Variants in DNAH12 observed in about 807,000 individuals in gnomAD.
DNAH12 encodes axonemal beta dynein heavy chain 12.
In DNAH12, 285 loss-of-function variants were observed where a neutral mutation model predicts 371.5. That is an observed-to-expected ratio of 0.77 (90% CI 0.70 to 0.85). The LOEUF (loss-of-function observed/expected upper bound fraction) is 0.85, where lower values mean the gene tolerates loss of function less well. Among genes scored for constraint, DNAH12 ranks in the 40% least tolerant of loss-of-function variants. DNAH12 has a pLI of 0.00. For missense variants in DNAH12, 3,611 were observed against 3,689.4 expected, an observed-to-expected ratio of 0.98 and a Z score of 0.55; for synonymous variants, 1,200 against 1,213.0, an observed-to-expected ratio of 0.99 and a Z score of 0.22.
intron 17 of DNAH12, 71 bp from the exon 18 acceptor site, chr3:57,462,946 G>A (rs2066099795): frequency 2.9e-6 from 3 of 1,035,230 alleles, no homozygotes; most frequent in African/African-American, 3.2e-5. Context: ...CATAGATGAA[G>A]CCTTGATGAT....
intron 62 of DNAH12, among the ~76,000 whole-genome samples, chr3:57,331,873 T>C (rs2062106252): frequency 6.6e-6 from 1 of 152,072 alleles, no homozygotes; most frequent in African/African-American, 2.4e-5. Flanking sequence ...CTGATCGCCC[T>C]CCATATCTGA....
intron 2 of DNAH12, among the ~76,000 whole-genome samples, chr3:57,526,419 A>AT (rs991872205): frequency 4.8e-5 from 7 of 146,244 alleles, no homozygotes; most frequent in Admixed American, 2.7e-4. Flanking sequence ...GTTTTGTTTT[A>AT]TTTTTTTTAG....
chr3:57,525,728 G>C (rs1358142430), intron 2 of DNAH12, among the ~76,000 whole-genome samples: 1 of 132,348 alleles, frequency 7.6e-6, no homozygotes, highest in Non-Finnish European at 1.6e-5. Flanking sequence ...TAGTTACCCT[G>C]TCATGCTAGC....
rs368757579 is a variant in DNAH12, at chr3:57,421,902, C to CT, written c.5374-197dup. 9.3e-3 allele frequency among the ~76,000 whole-genome samples: 913 copies of CT among 98,486 alleles called. 32 individuals are homozygous for CT. Among genetic ancestry groups the CT allele is most frequent in the South Asian group, 0.023 (77 of 3,328 alleles). The allele number at this position is 98,486 out of a possible 152,430, so 64.6% of individuals were successfully genotyped here. A position where few individuals can be genotyped will look rare whatever the true frequency, so the allele number is the denominator to read the frequency against. On this transcript the variant is annotated intron_variant, in intron 35 of 73. Transcript: ENST00000495027. Reference sequence around the variant, plus strand: ...AATTTTTATCAAAATGTTTGCATGTCTTTTTTTTTTTTTTTTTTTTTGAGA... The same window carrying CT: ...AATTTTTATCAAAATGTTTGCATGTCTTTTTTTTTTTTTTTTTTTTTTGAGA...
rs185247961 is a variant in DNAH12 at position 57,523,785 on chromosome 3, G to A, written c.252+18C>T. The A allele has an allele frequency of 1.3e-5, 20 of 1,579,394 alleles. No homozygotes were observed. The Admixed American group carries it at 2.1e-4, about 16-fold the overall frequency. ...ATGATATAAGGATAAACTTTTTAAC[G>A]AGAAAACATAAACTTACAGTTTGAG... On this transcript the variant is annotated intron_variant, in intron 3 of 73. Coordinates refer to ENST00000495027, the MANE Select transcript of DNAH12 (RefSeq NM_001366028.2).
chr3:57,340,276 ACAAAC>A (rs1433852778), intron 60 of DNAH12, among the ~76,000 whole-genome samples: 8 of 152,120 alleles, frequency 5.3e-5, no homozygotes, highest in Admixed American at 3.9e-4. Context: ...AAAAGCAAGA[ACAAAC>A]CAAACTCAAA....
Position 57,309,729 on chromosome 3 carries a change from C to G in DNAH12, c.11022G>C (p.Gln3674His), listed in dbSNP as rs1339578503. 4 of 1,550,656 alleles carry G rather than the reference C, an allele frequency of 2.6e-6. No individual in the cohort carries two copies. Among genetic ancestry groups the G allele is most frequent in the Non-Finnish European group, 3.5e-6 (4 of 1,146,610 alleles). The change falls in exon 68 of 74, where the codon CAG becomes CAC. Residue 3674 changes from glutamine to histidine, a missense_variant. Around this residue, in one of 3 missense-constraint regions of DNAH12, gnomAD observed 2,266 missense variants for 2,236.9 expected, o/e 1.01. Coordinates refer to ENST00000495027, the MANE Select transcript of DNAH12 (RefSeq NM_001366028.2). ...SLLLTQGGSKQTGASGSTDQI... is the reference protein window; with the variant it reads ...SLLLTQGGSKHTGASGSTDQI... ...GATCAGTACTTCCTGAGGCTCCTGTCTGTTTGGAGCCTCCCTGGGTGAGGA... is the reference window on the plus strand; with the variant it reads ...GATCAGTACTTCCTGAGGCTCCTGTGTGTTTGGAGCCTCCCTGGGTGAGGA...
At chr3:57,544,877 T>A (rs2069450046), upstream of DNAH12, among the ~76,000 whole-genome samples, 1 of 152,170 alleles carries the variant, frequency 6.6e-6, no homozygotes, top group Non-Finnish European at 1.5e-5. Context: ...GATAATAGCC[T>A]ACGAGAATAC....
chr3:57,394,830 T>C (rs2063702822), intron 43 of DNAH12, among the ~76,000 whole-genome samples: 1 of 152,152 alleles, frequency 6.6e-6, no homozygotes, highest in Non-Finnish European at 1.5e-5. Flanking sequence ...TATCTACCTC[T>C]AGACGCTTCA....
intron 11 of DNAH12, chr3:57,498,625 G>C: frequency 1.4e-6 from 1 of 709,158 alleles, no homozygotes; most frequent in Non-Finnish European, 2.6e-6. Context: ...CCAAAAACTG[G>C]AAACATCTCA....
intron 43 of DNAH12, among the ~76,000 whole-genome samples, chr3:57,399,319 C>T (rs1246331126): frequency 6.6e-6 from 1 of 151,812 alleles, no homozygotes; most frequent in African/African-American, 2.4e-5. Flanking sequence ...ATAATAAATC[C>T]TTCCCTATCA....
rs552444504 is a variant in DNAH12, at chr3:57,419,232, T to G, written c.5714+135A>C. On this transcript the variant is annotated intron_variant, in intron 37 of 73. Coordinates refer to ENST00000495027, the MANE Select transcript of DNAH12 (RefSeq NM_001366028.2). ...TTTGCCAATAGCAACAGATGTCACT[T>G]TCAACATGCCAACAAGTCCCCCAGG... 14 of 875,654 alleles carry G rather than the reference T, an allele frequency of 1.6e-5. No homozygotes were observed. The East Asian group carries it at 3.7e-4, about 23-fold the overall frequency. 54.2% of individuals were successfully genotyped at this position (875,654 alleles called of 1,614,324 possible).
chr3:57,447,679 T>C (rs2065559309), intron 25 of DNAH12, among the ~76,000 whole-genome samples: 1 of 53,530 alleles, frequency 1.9e-5, no homozygotes, highest in Non-Finnish European at 5.9e-5. Flanking sequence ...TTCATCCATT[T>C]TATTTTATTT....
intron 34 of DNAH12, 166 bp downstream of exon 34, chr3:57,428,467 G>A: frequency 6.5e-7 from 1 of 1,535,204 alleles, no homozygotes. Context: ...TTCAACCCCT[G>A]AGTTATGCAG....
chr3:57,370,610 G>C (rs993541480), intron 55 of DNAH12, among the ~76,000 whole-genome samples: 1 of 152,154 alleles, frequency 6.6e-6, no homozygotes, highest in Non-Finnish European at 1.5e-5. Context: ...AGCATGACTG[G>C]CTAAAAATCC....
chr3:57,302,060 C>A, intron 69 of DNAH12, 121 bp from the exon 70 acceptor site: 1 of 1,008,966 alleles, frequency 9.9e-7, no homozygotes, highest in South Asian at 1.6e-5. Flanking sequence ...AAATGTGTCA[C>A]CTCCCATGTG....
At chr3:57,396,244 C>A (rs1227921890) in intron 43 of DNAH12, among the ~76,000 whole-genome samples, 1 of 124,924 alleles carries the variant, frequency 8.0e-6, no homozygotes, top group Non-Finnish European at 1.6e-5. Flanking sequence ...TGTCATTGCC[C>A]TTTAGCCTAG....
rs572556662 is a variant in DNAH12, at chr3:57,487,296, G to A, written c.1514+2213C>T. Among the ~76,000 whole-genome samples the A allele has an allele frequency of 5.7e-3, 659 of 115,996 alleles. 3 individuals carry two copies. The highest frequency in any genetic ancestry group is 8.8e-3 in the Middle Eastern group (2 of 226). 76.1% of individuals were successfully genotyped at this position (115,996 alleles called of 152,430 possible). Reference sequence around the variant, plus strand: ...AATAGAAAAGAAGGAAGAAAGGAAGGAAGGAAGGAAGGGAGAGAGAGAGAG... The same window carrying A: ...AATAGAAAAGAAGGAAGAAAGGAAGAAAGGAAGGAAGGGAGAGAGAGAGAG... On this transcript the variant is annotated intron_variant, in intron 12 of 73. Transcript: ENST00000495027.
chr3:57,323,312 A>C, intron 63 of DNAH12, 52 bp from the exon 64 acceptor site: 1 of 1,522,698 alleles, frequency 6.6e-7, no homozygotes, highest in South Asian at 1.3e-5. Context: ...AATTATAAAA[A>C]AGTGCCTTAT....
Sources: allele counts gnomAD v4.1 joint callset (sites outside exome capture counted in the v4.1 genomes callset), GRCh38; gene constraint gnomAD v4.1.1; regional missense constraint gnomAD v4.1.1; transcripts MANE v1.5; gene names NCBI Gene and HGNC (gene_info 2026-07-23, HGNC 2026-07-21).